CNTN5: variants seen among roughly 807,000 people sequenced by gnomAD.
CNTN5 encodes contactin-5.
A neutral mutation model predicts 129.1 loss-of-function variants in CNTN5; 77 were observed. The ratio of observed to expected loss-of-function variants is 0.60; its 90% CI spans 0.50 to 0.72. The LOEUF (loss-of-function observed/expected upper bound fraction) is 0.72. Among genes scored for constraint, CNTN5 ranks in the 30% least tolerant of loss-of-function variants. The pLI is 0.00. For missense variants in CNTN5, 1,478 were observed against 1,328.8 expected (o/e 1.11, Z -1.75); for synonymous variants, 509 against 465.6 (o/e 1.09, Z -1.20).
chr11:99,738,475 T>G (rs1185869996), intron 3 of CNTN5, among the ~76,000 whole-genome samples: 1 of 152,154 alleles, frequency 6.6e-6, no homozygotes, highest in Non-Finnish European at 1.5e-5. Flanking sequence ...CAAGAGAGCT[T>G]TTAGACAAAT....
At chr11:99,535,283 AATG>A (rs758993702) in intron 2 of CNTN5, among the ~76,000 whole-genome samples, 2 of 152,170 alleles carry the variant, frequency 1.3e-5, no homozygotes, top group African/African-American at 2.4e-5. Context: ...GTAGCAATGG[AATG>A]ATGGACTAAT....
intron 6 of CNTN5, among the ~76,000 whole-genome samples, chr11:99,907,803 G>T (rs1949549451): frequency 6.6e-6 from 1 of 151,908 alleles, no homozygotes. Flanking sequence ...TTGTAAAGTT[G>T]TAAATAAGTG....
intron 21 of CNTN5, among the ~76,000 whole-genome samples, chr11:100,320,738 G>A (rs925801043): frequency 2.6e-5 from 4 of 151,940 alleles, no homozygotes; most frequent in Non-Finnish European, 5.9e-5. Context: ...TTTTTACATG[G>A]TGGAAGCTGA....
At chr11:99,673,402 TC>T (rs1953132305) in intron 3 of CNTN5, among the ~76,000 whole-genome samples, 1 of 152,168 alleles carries the variant, frequency 6.6e-6, no homozygotes, top group South Asian at 2.1e-4. Context: ...TTCAATGACT[TC>T]TGTAAAGCAT....
chr11:99,960,008 C>A (rs1209802146), intron 8 of CNTN5, among the ~76,000 whole-genome samples: 1 of 152,138 alleles, frequency 6.6e-6, no homozygotes, highest in Non-Finnish European at 1.5e-5. Flanking sequence ...ATCCTACTCA[C>A]CTCTCCCTGC....
In CNTN5 at chr11:100,191,270, A is replaced by G; in HGVS notation, c.1708+17A>G. On this transcript the variant is annotated intron_variant, in intron 14 of 24. Coordinates refer to ENST00000524871, the MANE Select transcript of CNTN5 (RefSeq NM_014361.4). ...CTGTAAAAGGTAAGACAGCACGGGT[A>G]AATGTTTTACAAGCATAGTCTCATG... The G allele has an allele frequency of 6.2e-7, 1 of 1,604,542 alleles. No individual in the cohort carries two copies. Among genetic ancestry groups the G allele is most frequent in the Non-Finnish European group, 8.5e-7 (1 of 1,174,998 alleles).
chr11:99,947,037 A>T (rs12799650), intron 7 of CNTN5, among the ~76,000 whole-genome samples: 9 of 55,386 alleles, frequency 1.6e-4, no homozygotes, highest in Admixed American at 2.2e-4. Context: ...AGTATGTTTT[A>T]CATTATAAAT....
chr11:99,193,975 ATAGAG>A (rs200246445), intron 1 of CNTN5, among the ~76,000 whole-genome samples: 21,529 of 152,152 alleles, frequency 0.14, 1,982 homozygotes, highest in Non-Finnish European at 0.21. Flanking sequence ...TTTAAAATGA[ATAGAG>A]AACATGGTAA....
intron 2 of CNTN5, among the ~76,000 whole-genome samples, chr11:99,395,329 G>T (rs560328895): frequency 1.3e-5 from 2 of 151,828 alleles, no homozygotes; most frequent in African/African-American, 4.8e-5. Context: ...TTGGTCATAT[G>T]TATGTCTTCT....
chr11:100,311,454 G>A (rs561146857), intron 21 of CNTN5, among the ~76,000 whole-genome samples: 7 of 151,812 alleles, frequency 4.6e-5, no homozygotes, highest in Non-Finnish European at 8.8e-5. Flanking sequence ...CTTAAGTTAA[G>A]AGGAAGACTG....
Position 99,795,588 on chromosome 11 carries a change from C to CTTTT in CNTN5, c.56-23946_56-23943dup, listed in dbSNP as rs35521565. 5.9e-3 allele frequency among the ~76,000 whole-genome samples: 838 copies of CTTTT among 143,180 alleles called. 7 individuals carry two copies. Among genetic ancestry groups the CTTTT allele is most frequent in the African/African-American group, 0.02 (777 of 39,014 alleles). 93.9% of individuals were successfully genotyped at this position (143,180 alleles called of 152,430 possible). On this transcript the variant is annotated intron_variant, in intron 3 of 24. Transcript: ENST00000524871. ...TCGCTGAAGCTGTTATCCTTTAGAT[C>CTTTT]TTTTTTTTTTTTTGTATTTATCTTC...
In CNTN5 at chr11:99,465,209, T is replaced by C. The variant is rs557400264; in HGVS notation, c.-70-90936T>C. On this transcript the variant is annotated intron_variant, in intron 2 of 24. Transcript: ENST00000524871. ...ACTGGCTAATAAATACTTCACCTAT[T>C]TGTTTCCCTTCTCATTACTGATCTG... is the stretch of plus-strand genomic sequence containing the variant. 3.3e-5 allele frequency among the ~76,000 whole-genome samples: 5 copies of C among 152,318 alleles called. No homozygotes were observed. In the East Asian group the frequency reaches 9.6e-4, roughly 29 times the overall value.
At chr11:99,037,373 C>T (rs893823844) in intron 1 of CNTN5, among the ~76,000 whole-genome samples, 1 of 152,078 alleles carries the variant, frequency 6.6e-6, no homozygotes, top group African/African-American at 2.4e-5. Context: ...TCAGATTTGG[C>T]AGTGTTCCAT....
intron 3 of CNTN5, among the ~76,000 whole-genome samples, chr11:99,651,405 A>G (rs555006810): frequency 6.6e-6 from 1 of 152,076 alleles, no homozygotes; most frequent in Admixed American, 6.6e-5. Context: ...CCTAAAAGCA[A>G]TTCATCCTAG....
At chr11:99,596,614 T>G (rs1369419170) in intron 3 of CNTN5, among the ~76,000 whole-genome samples, 1 of 152,152 alleles carries the variant, frequency 6.6e-6, no homozygotes, top group Admixed American at 6.5e-5. Flanking sequence ...AAAATTAACA[T>G]AGACTGTATA....
At chr11:100,318,004 G>A (rs1390666130) in intron 21 of CNTN5, among the ~76,000 whole-genome samples, 1 of 152,034 alleles carries the variant, frequency 6.6e-6, no homozygotes, top group Non-Finnish European at 1.5e-5. Context: ...CACTTTGGGA[G>A]GCCCAGATGG....
chr11:99,981,091 TATATATATATATAC>T lies in CNTN5; in HGVS notation c.878-20941_878-20928del, dbSNP rs937070287. ...AGAGCCAATAGGATATATATATATA[TATATATATATATAC>T]ACACACACACACATATATGAAAGAG... On this transcript the variant is annotated intron_variant, in intron 8 of 24. Transcript: ENST00000524871. 6.4e-5 allele frequency among the ~76,000 whole-genome samples: 5 copies of T among 78,324 alleles called. No individual in the cohort carries two copies. In the South Asian group the frequency reaches 1.1e-3, roughly 18 times the overall value. The allele number at this position is 78,324 out of a possible 152,430, so 51.4% of individuals were successfully genotyped here. A position where few individuals can be genotyped will look rare whatever the true frequency, so the allele number is the denominator to read the frequency against.
chr11:99,847,525 CAT>C, intron 6 of CNTN5, among the ~76,000 whole-genome samples: 1 of 152,266 alleles, frequency 6.6e-6, no homozygotes, highest in African/African-American at 2.4e-5. Context: ...AAACTCAGGT[CAT>C]TGGCTACATA....
rs145635630 is a variant in CNTN5 at position 99,985,266 on chromosome 11, A to C, written c.878-16768A>C. Among the ~76,000 whole-genome samples the C allele has an allele frequency of 4.7e-3, 713 of 152,230 alleles. 5 individuals carry two copies. The highest frequency in any genetic ancestry group is 0.016 in the African/African-American group (655 of 41,556). On this transcript the variant is annotated intron_variant, in intron 8 of 24. Coordinates refer to ENST00000524871, the MANE Select transcript of CNTN5 (RefSeq NM_014361.4). ...TCACACAGACACTTGAAGGATGGCAAAAGTGGATAATTTTATTTAGCAATG... is the reference window on the plus strand; with the variant it reads ...TCACACAGACACTTGAAGGATGGCACAAGTGGATAATTTTATTTAGCAATG...
Sources: gnomAD v4.1 joint callset for allele counts (sites outside exome capture counted in the v4.1 genomes callset) on GRCh38, gnomAD v4.1.1 for gene constraint, MANE v1.5 for transcripts, NCBI Gene and HGNC (gene_info 2026-07-23, HGNC 2026-07-21) for gene names.